CD47: variants seen among roughly 807,000 people sequenced by gnomAD.
CD47 encodes CD47 molecule, also known as leukocyte surface antigen CD47.
CD47 carries 11 observed loss-of-function variants against 44.6 expected under a neutral mutation model. The ratio of observed to expected loss-of-function variants is 0.25; its 90% CI spans 0.16 to 0.41. CD47 has a LOEUF of 0.41. Ranked by LOEUF, CD47 falls within the 10% of genes least tolerant of loss-of-function variation. CD47 has a pLI of 1.00. For missense variants in CD47, 306 were observed against 386.7 expected, an observed-to-expected ratio of 0.79 and a Z score of 1.75; for synonymous variants, 140 against 136.3, an observed-to-expected ratio of 1.03 and a Z score of -0.19.
At chr3:108,060,679 G>A in intron 4 of CD47, 66 bp downstream of exon 4, 1 of 1,038,772 alleles carries the variant, frequency 9.6e-7, no homozygotes, top group Admixed American at 1.7e-5. Context: ...AACTAATGCA[G>A]CCCTCCTCAC....
intron 2 of CD47, among the ~76,000 whole-genome samples, chr3:108,072,744 T>C (rs1382404234): frequency 6.6e-6 from 1 of 152,208 alleles, no homozygotes; most frequent in Non-Finnish European, 1.5e-5. Flanking sequence ...CTTGGATTTT[T>C]GTATCTAATC....
chr3:108,055,799 G>A (rs904769528), intron 7 of CD47, among the ~76,000 whole-genome samples: 1 of 152,122 alleles, frequency 6.6e-6, no homozygotes, highest in Non-Finnish European at 1.5e-5. Context: ...GGTTTCACAG[G>A]CTTGGAGGAA....
intron 6 of CD47, 117 bp downstream of exon 6, chr3:108,058,220 C>T: frequency 1.8e-6 from 1 of 557,314 alleles, no homozygotes; most frequent in Admixed American, 3.9e-5. Context: ...CCAAAAACTG[C>T]ACTAAAAAAA....
intron 9 of CD47, 23 bp downstream of exon 9, chr3:108,050,554 AT>A: frequency 1.7e-6 from 2 of 1,158,598 alleles, no homozygotes; most frequent in Non-Finnish European, 2.5e-6. Context: ...CTGGTAAAGG[AT>A]TAAGAGTGAA....
chr3:108,063,222 A>AT (rs2079050526), intron 3 of CD47, among the ~76,000 whole-genome samples: 3 of 152,172 alleles, frequency 2.0e-5, no homozygotes, highest in South Asian at 4.1e-4. Flanking sequence ...TTTTCCTTAA[A>AT]TTAAGTAGCC....
rs2078664578 is a variant in CD47, at chr3:108,043,583, A to T, written c.*3705T>A. The T allele has an allele frequency of 6.6e-6, 1 of 152,622 alleles. No homozygotes were observed. Among genetic ancestry groups the T allele is most frequent in the African/African-American group, 2.4e-5 (1 of 41,454 alleles). The allele number at this position is 152,622 out of a possible 1,614,324, so 9.5% of individuals were successfully genotyped here. On this transcript the variant is annotated 3_prime_UTR_variant, in exon 11 of 11. Coordinates refer to ENST00000361309, the MANE Select transcript of CD47 (RefSeq NM_001777.4). The stretch of plus-strand genomic sequence containing the variant: ...AAGAGAGGATCTTGCACATAGCAAC[A>T]CTGGAGTTCTCTTTATTTAGAATGG...
chr3:108,051,561 T>C (rs1489399331), intron 8 of CD47, among the ~76,000 whole-genome samples: 1 of 152,226 alleles, frequency 6.6e-6, no homozygotes, highest in African/African-American at 2.4e-5. Context: ...TTAGTATAGA[T>C]TTCTCCTCAT....
At chr3:108,054,323 G>A (rs1177391941) in intron 7 of CD47, 1 of 152,092 alleles carries the variant, frequency 6.6e-6, no homozygotes, top group East Asian at 1.9e-4. Context: ...TCCGATCCAA[G>A]GGATGTCACA....
At position 108,080,237 on chromosome 3, in the gene CD47, T is replaced by C. The variant is rs759705097; in HGVS notation, c.154A>G (p.Thr52Ala). Reference sequence around the variant, plus strand: ...AATTTCCACTTTACGTATACTTCAGTAGTGTTTTGTGCCTCCATATTAGTA... The same window carrying C: ...AATTTCCACTTTACGTATACTTCAGCAGTGTTTTGTGCCTCCATATTAGTA... Reference protein sequence around the residue: ...FVTNMEAQNTTEVYVKWKFKG... With the variant: ...FVTNMEAQNTAEVYVKWKFKG... Residue 52 changes from threonine to alanine, a missense_variant, in exon 2 of 11, where the codon ACT becomes GCT. Thr to Ala is a moderately conservative substitution (Grantham distance 58). Coordinates refer to ENST00000361309, the MANE Select transcript of CD47 (RefSeq NM_001777.4). 2.5e-6 allele frequency: 4 copies of C among 1,611,270 alleles called. No individual in the cohort carries two copies. The African/African-American group carries it at 5.3e-5, about 22-fold the overall frequency.
At chr3:108,069,348 G>T (rs949453648) in intron 3 of CD47, among the ~76,000 whole-genome samples, 2 of 151,850 alleles carry the variant, frequency 1.3e-5, no homozygotes, top group Non-Finnish European at 2.9e-5. Context: ...AAGACATGGG[G>T]GAACATCAGA....
At position 108,091,013 on chromosome 3, in the gene CD47, G is replaced by C. The variant is rs548567694; in HGVS notation, c.-105C>G. 1.4e-6 allele frequency: 1 copy of C among 739,830 alleles called. No individual in the cohort carries two copies. Among genetic ancestry groups the C allele is most frequent in the East Asian group, 3.7e-5 (1 of 27,092 alleles). 45.8% of individuals were successfully genotyped at this position (739,830 alleles called of 1,614,324 possible). A position where few individuals can be genotyped will look rare whatever the true frequency, so the allele number is the denominator to read the frequency against. On this transcript the variant is annotated 5_prime_UTR_variant, in exon 1 of 11. Coordinates refer to ENST00000361309, the MANE Select transcript of CD47 (RefSeq NM_001777.4). ...GACCGCCGCCGCGCGTCACAGGCAG[G>C]ACCCACTGCCCAGGCTGCACGGCCG...
At position 108,051,810 on chromosome 3, in the gene CD47, T is replaced by C. The variant is rs79580552; in HGVS notation, c.909+129A>G. The C allele has an allele frequency of 1.7e-3, 1,283 of 753,610 alleles. 12 individuals carry two copies. The African/African-American group carries it at 0.02, about 12-fold the overall frequency. The allele number at this position is 753,610 out of a possible 1,614,324, so 46.7% of individuals were successfully genotyped here. ...ACTGGACCCATTCATGCAAAGGTCA[T>C]GCAATGACTTCAACATTCTCTTAAT... On this transcript the variant is annotated intron_variant, in intron 8 of 10. Transcript: ENST00000361309.
At chr3:108,050,474 A>C in intron 9 of CD47, 104 bp downstream of exon 9, 1 of 671,428 alleles carries the variant, frequency 1.5e-6, no homozygotes, top group Non-Finnish European at 2.6e-6. Flanking sequence ...AAAGAGGAAA[A>C]AAACCTAGAT....
At chr3:108,062,721 C>T (rs894807096) in intron 3 of CD47, among the ~76,000 whole-genome samples, 3 of 151,164 alleles carry the variant, frequency 2.0e-5, no homozygotes, top group Non-Finnish European at 4.4e-5. Context: ...CGGCTCACTG[C>T]AAACTCTGCC....
intron 1 of CD47, among the ~76,000 whole-genome samples, chr3:108,084,453 T>C (rs1441459594): frequency 1.3e-5 from 2 of 152,086 alleles, no homozygotes; most frequent in African/African-American, 2.4e-5. Context: ...TAAATGTTAG[T>C]GTCCCTAAGG....
intron 6 of CD47, among the ~76,000 whole-genome samples, chr3:108,057,903 T>C (rs368946412): frequency 6.6e-6 from 1 of 152,212 alleles, no homozygotes; most frequent in African/African-American, 2.4e-5. Flanking sequence ...AAGCCATATA[T>C]ACAGCTAATA....
At chr3:108,075,163 G>A (rs1172074004) in intron 2 of CD47, among the ~76,000 whole-genome samples, 1 of 152,146 alleles carries the variant, frequency 6.6e-6, no homozygotes, top group African/African-American at 2.4e-5. Flanking sequence ...CCAAGCTATG[G>A]CTGACAACTG....
intron 1 of CD47, among the ~76,000 whole-genome samples, chr3:108,088,859 T>C (rs1454477126): frequency 6.6e-6 from 1 of 152,228 alleles, no homozygotes; most frequent in Non-Finnish European, 1.5e-5. Flanking sequence ...TGCCTGTAAT[T>C]GCATGAAATG....
At chr3:108,059,063 T>A (rs995001896) in intron 5 of CD47, among the ~76,000 whole-genome samples, 16 of 152,202 alleles carry the variant, frequency 1.1e-4, no homozygotes, top group African/African-American at 3.9e-4. Flanking sequence ...TATTTGTGAT[T>A]CATAATTCCA....
Sources: allele counts gnomAD v4.1 joint callset (sites outside exome capture counted in the v4.1 genomes callset), GRCh38; gene constraint gnomAD v4.1.1; transcripts MANE v1.5; gene names NCBI Gene and HGNC (gene_info 2026-07-23, HGNC 2026-07-21).